Variants in PCTP observed in about 807,000 individuals in gnomAD.
The protein encoded by PCTP is START domain-containing protein 2.
Under a neutral mutation model 31.0 loss-of-function variants are expected in PCTP, and 27 were observed. That is an observed-to-expected ratio of 0.87 (90% CI 0.64 to 1.20). The LOEUF is 1.20. PCTP is among the 50% of genes most tolerant of loss of function. PCTP has a pLI of 0.00. For missense variants in PCTP, 287 were observed against 268.2 expected (o/e 1.07, Z -0.49); for synonymous variants, 108 against 101.2 (o/e 1.07, Z -0.40).
intron 3 of PCTP, among the ~76,000 whole-genome samples, chr17:55,807,654 A>G (rs1212975975): frequency 1.3e-5 from 2 of 152,188 alleles, no homozygotes; most frequent in East Asian, 1.9e-4. Flanking sequence ...TTAATCAAGT[A>G]ATCAATATAT....
At position 55,777,084 on chromosome 17, in the gene PCTP, A is replaced by C; in HGVS notation, c.*984A>C. 1 of 985,868 alleles carries C rather than the reference A, an allele frequency of 1.0e-6. No individual in the cohort carries two copies. The highest frequency in any genetic ancestry group is 4.7e-5 in the South Asian group (1 of 21,292). 61.1% of individuals were successfully genotyped at this position (985,868 alleles called of 1,614,324 possible). On this transcript the variant is annotated 3_prime_UTR_variant, in exon 6 of 6. Coordinates refer to ENST00000268896, the MANE Select transcript of PCTP (RefSeq NM_021213.4). ...ATGACTCTGCACCTTTTTCTCAGGA[A>C]TTCTGCCTAAGTTGTCTGCCTTTTC...
At chr17:55,838,247 A>C (rs985709709) in intron 5 of PCTP, among the ~76,000 whole-genome samples, 1 of 152,158 alleles carries the variant, frequency 6.6e-6, no homozygotes, top group African/African-American at 2.4e-5. Flanking sequence ...TCCTTAATAC[A>C]GCCTGCAAGC....
chr17:55,766,136 G>A (rs1910636213), intron 1 of PCTP, among the ~76,000 whole-genome samples: 1 of 152,096 alleles, frequency 6.6e-6, no homozygotes, highest in Non-Finnish European at 1.5e-5. Context: ...TAGCACTGCT[G>A]CCTACCTGAA....
exon 4 of PCTP, chr17:55,822,875 A>T (rs1412142908): frequency 8.5e-7 from 1 of 1,177,574 alleles, no homozygotes; most frequent in Non-Finnish European, 1.1e-6. Flanking sequence ...ACATAAAGAT[A>T]AAGACATGAG....
At chr17:55,772,256 C>T (rs546594760) in intron 3 of PCTP, among the ~76,000 whole-genome samples, 24 of 151,468 alleles carry the variant, frequency 1.6e-4, no homozygotes, top group Non-Finnish European at 2.4e-4. Context: ...AATAGACTGT[C>T]CAATGTGAGG....
intron 5 of PCTP, among the ~76,000 whole-genome samples, chr17:55,828,657 C>T (rs1044481494): frequency 1.1e-4 from 16 of 151,798 alleles, no homozygotes; most frequent in African/African-American, 3.6e-4. Context: ...TGTCTTTGTG[C>T]GGGGGAGGGT....
At chr17:55,764,470 C>A (rs1047720304) in intron 1 of PCTP, among the ~76,000 whole-genome samples, 2 of 152,174 alleles carry the variant, frequency 1.3e-5, no homozygotes, top group Non-Finnish European at 2.9e-5. Flanking sequence ...TGCCCTTCTA[C>A]TGGGGCATCC....
downstream of PCTP, among the ~76,000 whole-genome samples, chr17:55,846,396 G>A (rs1325943723): frequency 2.6e-5 from 4 of 152,238 alleles, 1 homozygote; most frequent in South Asian, 4.1e-4. Context: ...TGGGGATATC[G>A]CTGCTACATC....
At chr17:55,851,242 G>A in the PCTP span, among the ~76,000 whole-genome samples, 6 of 152,160 alleles carry the variant, frequency 3.9e-5, no homozygotes, top group Admixed American at 3.9e-4. Context: ...CATTACTGAG[G>A]CATAAATGAC....
At chr17:55,802,285 G>A (rs1485919463) in intron 3 of PCTP, among the ~76,000 whole-genome samples, 1 of 152,166 alleles carries the variant, frequency 6.6e-6, no homozygotes, top group African/African-American at 2.4e-5. Context: ...CCTACCAGAG[G>A]CATAAAGAGG....
At chr17:55,781,520 C>T (rs1348188462), downstream of PCTP, among the ~76,000 whole-genome samples, 8 of 152,194 alleles carry the variant, frequency 5.3e-5, no homozygotes, top group Non-Finnish European at 1.0e-4. Context: ...ATAAACAAAA[C>T]CATCAGGATA....
chr17:55,844,770 C>T (rs1028830297), downstream of PCTP, among the ~76,000 whole-genome samples: 5 of 152,028 alleles, frequency 3.3e-5, no homozygotes, highest in South Asian at 2.1e-4. Flanking sequence ...TAACTTCCAC[C>T]TCACAGGGTT....
At chr17:55,770,927 T>C in intron 2 of PCTP, 179 bp from the exon 3 acceptor site, 1 of 532,254 alleles carries the variant, frequency 1.9e-6, no homozygotes, top group Non-Finnish European at 3.4e-6. Flanking sequence ...GAGATGGGGT[T>C]TCACCATATT....
At chr17:55,779,462 G>T (rs1466389953), downstream of PCTP, among the ~76,000 whole-genome samples, 1 of 152,194 alleles carries the variant, frequency 6.6e-6, no homozygotes, top group African/African-American at 2.4e-5. Flanking sequence ...CTCAGCAGGA[G>T]AGTCAGTCAC....
downstream of PCTP, among the ~76,000 whole-genome samples, chr17:55,846,052 C>T (rs914168753): frequency 2.6e-5 from 4 of 151,926 alleles, no homozygotes; most frequent in African/African-American, 4.8e-5. Flanking sequence ...TTCTGTCAAA[C>T]GAGGCATTAA....
the PCTP span, among the ~76,000 whole-genome samples, chr17:55,848,555 ATTCT>A: frequency 6.6e-6 from 1 of 152,214 alleles, no homozygotes; most frequent in East Asian, 1.9e-4. Context: ...TTGAATAATT[ATTCT>A]TTCTAATACT....
At chr17:55,844,980 G>A (rs1369785681), downstream of PCTP, among the ~76,000 whole-genome samples, 2 of 150,152 alleles carry the variant, frequency 1.3e-5, no homozygotes, top group Non-Finnish European at 3.0e-5. Flanking sequence ...CCAGCTACTC[G>A]GGAGGCTGAG....
At chr17:55,812,045 A>G (rs1912769685) in intron 3 of PCTP, among the ~76,000 whole-genome samples, 1 of 152,100 alleles carries the variant, frequency 6.6e-6, no homozygotes, top group African/African-American at 2.4e-5. Context: ...TGTGATCTGT[A>G]TTTTACAGAT....
intron 5 of PCTP, among the ~76,000 whole-genome samples, chr17:55,836,621 C>T (rs537228974): frequency 6.1e-4 from 93 of 152,248 alleles, no homozygotes; most frequent in African/African-American, 2.0e-3. Flanking sequence ...AAGTTCTTCC[C>T]GGGCCTAGGG....
Sources: allele counts gnomAD v4.1 joint callset (sites outside exome capture counted in the v4.1 genomes callset), GRCh38; gene constraint gnomAD v4.1.1; transcripts MANE v1.5; gene names NCBI Gene and HGNC (gene_info 2026-07-23, HGNC 2026-07-21).